LRP1B: variants seen among roughly 807,000 people sequenced by gnomAD.
The protein encoded by LRP1B is low-density lipoprotein receptor-related protein 1B.
In LRP1B, 217 loss-of-function variants were observed where a neutral mutation model predicts 556.6. The observed-to-expected ratio is 0.39, with a 90% confidence interval of 0.35 to 0.44. The LOEUF (loss-of-function observed/expected upper bound fraction) is 0.44. Ranked by LOEUF, LRP1B falls within the 20% of genes least tolerant of loss-of-function variation. LRP1B has a pLI of 1.00. For missense variants in LRP1B, 5,053 were observed against 5,620.8 expected (o/e 0.90, Z 3.23); for synonymous variants, 2,047 against 1,865.8 (o/e 1.10, Z -2.50).
rs1692053197 is a variant in LRP1B, at chr2:140,840,102, T to C, written c.5115-17A>G. ...TAGAGTTTTCTTAATTCAAAAGACATATGGATTGAAAATATTAGATGTAGA... is the reference window on the plus strand; with the variant it reads ...TAGAGTTTTCTTAATTCAAAAGACACATGGATTGAAAATATTAGATGTAGA... On this transcript the variant is annotated splice_polypyrimidine_tract_variant and intron_variant, in intron 30 of 90. Coordinates refer to ENST00000389484, the MANE Select transcript of LRP1B (RefSeq NM_018557.3). 8 of 1,483,856 alleles carry C rather than the reference T, an allele frequency of 5.4e-6. No homozygotes were observed. Among genetic ancestry groups the C allele is most frequent in the Non-Finnish European group, 7.4e-6 (8 of 1,077,102 alleles). The allele number at this position is 1,483,856 out of a possible 1,614,324, so 91.9% of individuals were successfully genotyped here.
chr2:140,526,297 T>G lies in LRP1B; in HGVS notation c.7816A>C (p.Arg2606=), dbSNP rs1269136779. 2 of 1,612,096 alleles carry G rather than the reference T, an allele frequency of 1.2e-6. No individual in the cohort carries two copies. The highest frequency in any genetic ancestry group is 3.3e-5 in the Admixed American group (2 of 59,782). Residue 2606 remains arginine (R), a synonymous_variant, in exon 48 of 91, where the codon AGA becomes CGA. Coordinates refer to ENST00000389484, the MANE Select transcript of LRP1B (RefSeq NM_018557.3). ...ATGTTCTGGTTGCATCGTGCTGATC[T>G]TGGAATACAAGTCCCATCTGCACAG... The part of the protein sequence containing the change: ...FRCADGTCIP[R]SARCNQNIDC...
At chr2:141,221,302 A>C (rs1003099501) in intron 6 of LRP1B, among the ~76,000 whole-genome samples, 1 of 152,118 alleles carries the variant, frequency 6.6e-6, no homozygotes, top group African/African-American at 2.4e-5. Flanking sequence ...AAAAAAAAAA[A>C]AAAAAACCAA....
chr2:141,625,659 A>G (rs1688679438), intron 2 of LRP1B, among the ~76,000 whole-genome samples: 1 of 152,194 alleles, frequency 6.6e-6, no homozygotes, highest in African/African-American at 2.4e-5. Flanking sequence ...GAATAAATGA[A>G]ATAAATATAT....
intron 2 of LRP1B, among the ~76,000 whole-genome samples, chr2:141,689,643 T>A (rs1691441449): frequency 6.6e-6 from 1 of 151,760 alleles, no homozygotes; most frequent in African/African-American, 2.4e-5. Context: ...AGATAATAGA[T>A]CATTTTCTTC....
chr2:140,922,349 G>C (rs929200629), intron 21 of LRP1B, among the ~76,000 whole-genome samples: 1 of 151,576 alleles, frequency 6.6e-6, no homozygotes, highest in Admixed American at 6.6e-5. Context: ...AACAGTCATA[G>C]TAATAGGGTA....
intron 66 of LRP1B, among the ~76,000 whole-genome samples, chr2:140,416,799 A>T (rs1685222305): frequency 6.6e-6 from 1 of 152,192 alleles, no homozygotes; most frequent in South Asian, 2.1e-4. Flanking sequence ...ATTTTAGTCC[A>T]TGTGTGGTTC....
chr2:141,598,096 A>T (rs1687589177), intron 2 of LRP1B, among the ~76,000 whole-genome samples: 3 of 151,602 alleles, frequency 2.0e-5, no homozygotes, highest in Admixed American at 1.3e-4. Flanking sequence ...ATGATATATA[A>T]TTTTTTTATT....
intron 2 of LRP1B, among the ~76,000 whole-genome samples, chr2:141,658,457 G>A (rs1247339939): frequency 6.6e-6 from 1 of 152,144 alleles, no homozygotes; most frequent in Non-Finnish European, 1.5e-5. Context: ...AGCTAAGAAA[G>A]GCATGTGTTC....
In LRP1B at chr2:140,929,906, G is replaced by T. The variant is rs556869029; in HGVS notation, c.3137-6759C>A. On this transcript the variant is annotated intron_variant, in intron 20 of 90. Coordinates refer to ENST00000389484, the MANE Select transcript of LRP1B (RefSeq NM_018557.3). ...GTGGGTGTTGATGTTTAGGAATGCT[G>T]TCATCTTCTGCCAGAAAACAGAAAA... is the stretch of plus-strand genomic sequence containing the variant. Among the ~76,000 whole-genome samples the T allele has an allele frequency of 1.4e-4, 21 of 152,088 alleles. No individual in the cohort carries two copies. In the South Asian group the frequency reaches 3.9e-3, roughly 29 times the overall value.
At chr2:142,124,412 A>G (rs916225759) in intron 1 of LRP1B, among the ~76,000 whole-genome samples, 4 of 148,984 alleles carry the variant, frequency 2.7e-5, no homozygotes, top group Non-Finnish European at 6.1e-5. Flanking sequence ...GCATATGAAA[A>G]TTATTATAGT....
Position 141,862,054 on chromosome 2 carries a change from A to G in LRP1B, c.83-51653T>C, listed in dbSNP as rs150143212. Among the ~76,000 whole-genome samples, 46 of 152,346 alleles carry G rather than the reference A, an allele frequency of 3.0e-4. No homozygotes were observed. The East Asian group carries it at 7.7e-3, about 26-fold the overall frequency. On this transcript the variant is annotated intron_variant, in intron 1 of 90. Coordinates refer to ENST00000389484, the MANE Select transcript of LRP1B (RefSeq NM_018557.3). ...ATATAAAATTCCTATTTTGATAGCT[A>G]TGTAGTCATAAACCAATTTTTCAAA...
At chr2:140,572,234 A>G (rs1233075725) in intron 43 of LRP1B, among the ~76,000 whole-genome samples, 1 of 151,742 alleles carries the variant, frequency 6.6e-6, no homozygotes, top group Non-Finnish European at 1.5e-5. Flanking sequence ...ATATTTGTAA[A>G]CTATTTATTT....
chr2:141,061,462 A>T (rs1699333195), intron 8 of LRP1B, among the ~76,000 whole-genome samples: 1 of 151,824 alleles, frequency 6.6e-6, no homozygotes, highest in Non-Finnish European at 1.5e-5. Flanking sequence ...TCTTTTAGGC[A>T]TTCACTGACT....
intron 27 of LRP1B, among the ~76,000 whole-genome samples, chr2:140,862,579 G>T (rs551509474): frequency 3.3e-5 from 5 of 152,020 alleles, no homozygotes; most frequent in Admixed American, 3.3e-4. Flanking sequence ...ACTTTTTAAT[G>T]ATTTCAACTC....
intron 1 of LRP1B, among the ~76,000 whole-genome samples, chr2:141,961,836 T>G (rs1285746107): frequency 1.3e-5 from 2 of 151,788 alleles, no homozygotes; most frequent in Non-Finnish European, 3.0e-5. Flanking sequence ...GAAGGTAAGT[T>G]AACTTGGCCC....
chr2:141,038,622 T>C (rs1375472142), intron 11 of LRP1B, among the ~76,000 whole-genome samples: 1 of 152,114 alleles, frequency 6.6e-6, no homozygotes, highest in Non-Finnish European at 1.5e-5. Flanking sequence ...ATGGATATTG[T>C]TCAGTCTCAC....
At chr2:140,671,325 C>T (rs888147600) in intron 41 of LRP1B, among the ~76,000 whole-genome samples, 1 of 152,136 alleles carries the variant, frequency 6.6e-6, no homozygotes, top group African/African-American at 2.4e-5. Flanking sequence ...TTGAGACCAT[C>T]CTGGCTAACA....
At chr2:141,731,492 C>T (rs944657827) in intron 2 of LRP1B, among the ~76,000 whole-genome samples, 10 of 152,032 alleles carry the variant, frequency 6.6e-5, no homozygotes, top group African/African-American at 2.4e-4. Context: ...CCATTGTTTG[C>T]CTTCATATTT....
intron 2 of LRP1B, among the ~76,000 whole-genome samples, chr2:141,575,903 C>A (rs1416853707): frequency 6.6e-6 from 1 of 152,168 alleles, no homozygotes; most frequent in Non-Finnish European, 1.5e-5. Context: ...GAGATACCAT[C>A]TCATGCCAGT....
Sources: gnomAD v4.1 joint callset for allele counts (sites outside exome capture counted in the v4.1 genomes callset) on GRCh38, gnomAD v4.1.1 for gene constraint, MANE v1.5 for transcripts, NCBI Gene and HGNC (gene_info 2026-07-23, HGNC 2026-07-21) for gene names.